Variants in EPHB1 observed in about 807,000 individuals in gnomAD.
The protein encoded by EPHB1 is ephrin type-B receptor 1.
EPHB1 carries 30 observed loss-of-function variants against 94.4 expected under a neutral mutation model. That is an observed-to-expected ratio of 0.32 (90% confidence interval 0.24 to 0.43). EPHB1 has a LOEUF of 0.43. Ranked by LOEUF, EPHB1 falls within the 20% of genes least tolerant of loss-of-function variation. The pLI, the probability that EPHB1 is intolerant of heterozygous loss-of-function variation, is 1.00. For missense variants in EPHB1, 1,055 were observed against 1,308.3 expected, an observed-to-expected ratio of 0.81 and a Z score of 2.99; for synonymous variants, 522 against 489.1, an observed-to-expected ratio of 1.07 and a Z score of -0.89.
chr3:135,037,493 G>A (rs949223163), intron 3 of EPHB1, among the ~76,000 whole-genome samples: 24 of 152,202 alleles, frequency 1.6e-4, no homozygotes, highest in Admixed American at 9.2e-4. Flanking sequence ...ACATAAAACC[G>A]TTGGAAGGGA....
In EPHB1 at chr3:135,248,818, T is replaced by C. The variant is rs547190816; in HGVS notation, c.2690+309T>C. 2.7e-4 allele frequency among the ~76,000 whole-genome samples: 41 copies of C among 151,962 alleles called. 1 individual carries two copies. The South Asian group carries it at 8.4e-3, about 31-fold the overall frequency. On this transcript the variant is annotated intron_variant, in intron 14 of 15. Coordinates refer to ENST00000398015, the MANE Select transcript of EPHB1 (RefSeq NM_004441.5). Reference sequence around the variant, plus strand: ...ACATGGATATTGAGGGTGAGGGAGATGTCAAGATAGCACCCGGATTTCTGG... The same window carrying C: ...ACATGGATATTGAGGGTGAGGGAGACGTCAAGATAGCACCCGGATTTCTGG...
intron 4 of EPHB1, among the ~76,000 whole-genome samples, chr3:135,109,027 C>A (rs1939337179): frequency 6.6e-6 from 1 of 152,142 alleles, no homozygotes; most frequent in Admixed American, 6.5e-5. Context: ...TGCAGCCCCA[C>A]CAGCAGGGAG....
rs534085472 is a variant in EPHB1 at position 134,802,272 on chromosome 3, T to TA, written c.58+6591dup. On this transcript the variant is annotated intron_variant, in intron 1 of 15. Coordinates refer to ENST00000398015, the MANE Select transcript of EPHB1 (RefSeq NM_004441.5). Reference sequence around the variant, plus strand: ...TAACACAGTGAAACCCCATCTCTGCTAAAAAAAACAAAAAAACAAAAAAAT... The same window carrying TA: ...TAACACAGTGAAACCCCATCTCTGCTAAAAAAAAACAAAAAAACAAAAAAAT... Among the ~76,000 whole-genome samples, 57 of 135,398 alleles carry TA rather than the reference T, an allele frequency of 4.2e-4. 1 individual carries two copies. The South Asian group carries it at 7.0e-3, about 17-fold the overall frequency. 88.8% of individuals were successfully genotyped at this position (135,398 alleles called of 152,430 possible).
At chr3:134,804,939 G>A (rs748429223) in intron 1 of EPHB1, among the ~76,000 whole-genome samples, 3 of 152,254 alleles carry the variant, frequency 2.0e-5, no homozygotes, top group Non-Finnish European at 4.4e-5. Context: ...AATAATTGCA[G>A]GTGGCTTCAT....
intron 13 of EPHB1, among the ~76,000 whole-genome samples, chr3:135,246,480 G>A (rs906354620): frequency 1.3e-5 from 2 of 152,150 alleles, no homozygotes; most frequent in African/African-American, 4.8e-5. Context: ...CTGTTCTCCA[G>A]GCTGAGATTA....
At chr3:134,970,491 A>G (rs1933926646) in intron 3 of EPHB1, among the ~76,000 whole-genome samples, 1 of 152,094 alleles carries the variant, frequency 6.6e-6, no homozygotes. Context: ...GTCTTACTTC[A>G]TGGCACTTAT....
intron 1 of EPHB1, among the ~76,000 whole-genome samples, chr3:134,862,819 C>T (rs1426578064): frequency 1.3e-5 from 2 of 152,220 alleles, no homozygotes; most frequent in African/African-American, 4.8e-5. Flanking sequence ...CCTGTTCCTC[C>T]TCCTGGAGCC....
At chr3:134,913,563 A>T (rs36207) in intron 1 of EPHB1, among the ~76,000 whole-genome samples, 63,387 of 152,006 alleles carry the variant, frequency 0.42, 15,634 homozygotes, top group African/African-American at 0.67. Context: ...GAAAGACTAT[A>T]GTCTTAAGTT....
chr3:135,039,491 C>T (rs1217658488), intron 3 of EPHB1, among the ~76,000 whole-genome samples: 2 of 152,180 alleles, frequency 1.3e-5, no homozygotes, highest in African/African-American at 2.4e-5. Context: ...GTGCTCCCGT[C>T]GGGGAGGCTC....
At chr3:135,053,023 G>GTATATATATATATA (rs1419499793) in intron 3 of EPHB1, among the ~76,000 whole-genome samples, 977 of 68,366 alleles carry the variant, frequency 0.014, 50 homozygotes, top group African/African-American at 0.04. Flanking sequence ...ATGTGTGTGT[G>GTATATATATATATA]TGTGTATATA....
intron 1 of EPHB1, among the ~76,000 whole-genome samples, chr3:134,865,184 A>G: frequency 6.6e-6 from 1 of 152,188 alleles, no homozygotes; most frequent in East Asian, 1.9e-4. Context: ...TACCCTTTCT[A>G]CATGTAAATC....
intron 9 of EPHB1, among the ~76,000 whole-genome samples, chr3:135,173,216 A>G (rs9828085): frequency 0.93 from 140,771 of 151,010 alleles, 66,043 homozygotes; most frequent in East Asian, 1. Flanking sequence ...TTGTATTTTT[A>G]GTAGAGACGG....
intron 1 of EPHB1, among the ~76,000 whole-genome samples, chr3:134,873,776 G>A (rs1475184466): frequency 1.3e-5 from 2 of 152,190 alleles, no homozygotes; most frequent in African/African-American, 4.8e-5. Context: ...GTTGGTATGA[G>A]GTTTAGGGCA....
At chr3:135,195,664 T>C (rs1435840447) in intron 11 of EPHB1, among the ~76,000 whole-genome samples, 13 of 135,800 alleles carry the variant, frequency 9.6e-5, no homozygotes, top group Non-Finnish European at 1.9e-4. Context: ...GGACATGAAC[T>C]CATCATTTTT....
At chr3:134,993,770 T>C (rs1010019335) in intron 3 of EPHB1, among the ~76,000 whole-genome samples, 1 of 152,216 alleles carries the variant, frequency 6.6e-6, no homozygotes, top group Admixed American at 6.5e-5. Context: ...CTCCTTGGCA[T>C]GGCAATCAGG....
chr3:134,987,311 G>T (rs772780734), intron 3 of EPHB1, among the ~76,000 whole-genome samples: 1 of 152,202 alleles, frequency 6.6e-6, no homozygotes, highest in Non-Finnish European at 1.5e-5. Flanking sequence ...CTAAAGCCCT[G>T]TAGGGCCTAA....
At chr3:135,207,744 A>T (rs536190099) in intron 12 of EPHB1, among the ~76,000 whole-genome samples, 1 of 152,228 alleles carries the variant, frequency 6.6e-6, no homozygotes, top group African/African-American at 2.4e-5. Flanking sequence ...AACAGCGGTC[A>T]TTTATTTCTT....
At chr3:135,129,352 C>G (rs1420647562) in intron 4 of EPHB1, among the ~76,000 whole-genome samples, 5 of 152,062 alleles carry the variant, frequency 3.3e-5, no homozygotes, top group African/African-American at 1.2e-4. Flanking sequence ...CTCCATCCAG[C>G]TCTTCATTTG....
intron 3 of EPHB1, among the ~76,000 whole-genome samples, chr3:135,066,588 T>C (rs1262482995): frequency 1.3e-5 from 2 of 152,222 alleles, no homozygotes; most frequent in Non-Finnish European, 2.9e-5. Context: ...CTCAAATATT[T>C]CTCCCTTCAC....
Sources: allele counts gnomAD v4.1 joint callset (sites outside exome capture counted in the v4.1 genomes callset), GRCh38; gene constraint gnomAD v4.1.1; transcripts MANE v1.5; gene names NCBI Gene and HGNC (gene_info 2026-07-23, HGNC 2026-07-21).